FOLH1: variants seen among roughly 807,000 people sequenced by gnomAD.
The protein encoded by FOLH1 is glutamate carboxypeptidase 2.
FOLH1 carries 54 observed loss-of-function variants against 93.9 expected under a neutral mutation model. That is an observed-to-expected ratio of 0.57 (90% CI 0.46 to 0.72). The LOEUF (loss-of-function observed/expected upper bound fraction) is 0.72. Among genes scored for constraint, FOLH1 ranks in the 30% least tolerant of loss-of-function variants. FOLH1 has a pLI of 0.00. For synonymous variants in FOLH1, 249 were observed against 303.6 expected, an observed-to-expected ratio of 0.82 and a Z score of 1.87; for missense variants, 571 against 892.5, an observed-to-expected ratio of 0.64 and a Z score of 4.59.
intron 7 of FOLH1, among the ~76,000 whole-genome samples, chr11:49,182,405 A>G (rs1236073514): frequency 1.3e-5 from 2 of 150,814 alleles, no homozygotes; most frequent in African/African-American, 4.9e-5. Context: ...TTCCAATGCC[A>G]GGTTAAGCAG....
At chr11:49,148,820 T>C in intron 17 of FOLH1, 89 bp from the exon 18 acceptor site, 11 of 1,146,504 alleles carry the variant, frequency 9.6e-6, no homozygotes, top group Non-Finnish European at 1.3e-5. Context: ...TGAATTTAGT[T>C]ATCTCCGGGG....
Position 49,206,052 on chromosome 11 carries a change from C to T in FOLH1, c.224+15G>A, listed in dbSNP as rs755671555. 2.6e-5 allele frequency: 42 copies of T among 1,600,408 alleles called. No homozygotes were observed. Among genetic ancestry groups the T allele is most frequent in the Non-Finnish European group, 3.2e-5 (37 of 1,174,004 alleles). On this transcript the variant is annotated intron_variant, in intron 2 of 18. Coordinates refer to ENST00000256999, the MANE Select transcript of FOLH1 (RefSeq NM_004476.3). The stretch of plus-strand genomic sequence containing the variant: ...CTAACAACTTGTCCATATAAACTTT[C>T]GAGGATGTACTTACTATAAGAACTT...
At chr11:49,203,003 T>C (rs1012492340) in intron 2 of FOLH1, among the ~76,000 whole-genome samples, 11 of 152,248 alleles carry the variant, frequency 7.2e-5, no homozygotes, top group African/African-American at 1.4e-4. Flanking sequence ...GGAAAATGTG[T>C]AAATTCTTAT....
chr11:49,200,333 T>C lies in FOLH1; in HGVS notation c.333A>G (p.Ala111=). 2 of 1,609,506 alleles carry C rather than the reference T, an allele frequency of 1.2e-6. No homozygotes were observed. The highest frequency in any genetic ancestry group is 1.7e-6 in the Non-Finnish European group (2 of 1,176,596). The change falls in exon 3 of 19, where the codon GCA becomes GCG. Residue 111 remains alanine (A), a synonymous_variant. Coordinates refer to ENST00000256999, the MANE Select transcript of FOLH1 (RefSeq NM_004476.3). ...KEFGLDSVEL[A]HYDVLLSYPN... is the part of the protein sequence containing the mutation. Reference sequence around the variant, plus strand: ...GGTAGGACAACAGGACATCATAATGTGCTAGCTCAACAGAATCCAGGCCAA... The same window carrying C: ...GGTAGGACAACAGGACATCATAATGCGCTAGCTCAACAGAATCCAGGCCAA...
chr11:49,158,169 T>C, intron 13 of FOLH1, 126 bp from the exon 14 acceptor site: 1 of 618,806 alleles, frequency 1.6e-6, no homozygotes, highest in Non-Finnish European at 2.6e-6. Context: ...TATCCATACA[T>C]TAGCAGTCAT....
chr11:49,199,716 G>A (rs867641472), intron 3 of FOLH1, among the ~76,000 whole-genome samples: 1 of 152,060 alleles, frequency 6.6e-6, no homozygotes, highest in Non-Finnish European at 1.5e-5. Context: ...TTCGAGACTA[G>A]CCTGGCCAAC....
intron 17 of FOLH1, among the ~76,000 whole-genome samples, chr11:49,149,127 G>A (rs1565123582): frequency 6.6e-6 from 1 of 151,988 alleles, no homozygotes; most frequent in Non-Finnish European, 1.5e-5. Context: ...GGGGTGAGGG[G>A]GGAAGGATAG....
chr11:49,175,003 T>TAAA, intron 8 of FOLH1, 26 bp from the exon 9 acceptor site: 6 of 1,341,232 alleles, frequency 4.5e-6, no homozygotes, highest in Admixed American at 2.1e-5. Flanking sequence ...AAGACATTCT[T>TAAA]AAAAAAAAAA....
At position 49,147,011 on chromosome 11, in the gene FOLH1, C is replaced by A. The variant is rs1394786421; in HGVS notation, c.2064-66G>T. The A allele has an allele frequency of 6.5e-6, 10 of 1,530,216 alleles. No homozygotes were observed. In the African/African-American group the frequency reaches 8.3e-5, roughly 13 times the overall value. 94.8% of individuals were successfully genotyped at this position (1,530,216 alleles called of 1,614,324 possible). On this transcript the variant is annotated intron_variant, in intron 18 of 18. Transcript: ENST00000256999. ...GATATACAAGAGAAACACAAGAGCA[C>A]TCTGCAATTCCTGGATTGCATATTC...
At chr11:49,190,546 A>G (rs1037832475) in intron 4 of FOLH1, among the ~76,000 whole-genome samples, 3 of 152,180 alleles carry the variant, frequency 2.0e-5, no homozygotes, top group Non-Finnish European at 4.4e-5. Context: ...AGTGATTCTC[A>G]AAGATGGTCC....
chr11:49,186,031 A>T (rs949808153), intron 5 of FOLH1, 176 bp from the exon 6 acceptor site: 1 of 933,594 alleles, frequency 1.1e-6, no homozygotes, highest in Non-Finnish European at 1.4e-6. Flanking sequence ...TTGCTACTAT[A>T]AGCTCTAAAA....
chr11:49,198,375 G>T (rs1439071888), intron 3 of FOLH1, among the ~76,000 whole-genome samples: 1 of 151,762 alleles, frequency 6.6e-6, no homozygotes, highest in African/African-American at 2.4e-5. Flanking sequence ...CCAGCTACTA[G>T]GGAGGCTGAG....
Position 49,186,632 on chromosome 11 carries a change from T to G in FOLH1, c.639+12A>C, listed in dbSNP as rs758046726. On this transcript the variant is annotated intron_variant, in intron 5 of 18. Transcript: ENST00000256999. ...TTGGGGGAGAGAAAAAAAGAGATAA[T>G]TTTTACCTTACCTTATTTCCTCTGA... The G allele has an allele frequency of 6.8e-6, 11 of 1,609,518 alleles. No homozygotes were observed. The South Asian group carries it at 1.2e-4, about 18-fold the overall frequency.
At chr11:49,162,890 C>G (rs530338641) in intron 13 of FOLH1, 1 of 151,520 alleles carries the variant, frequency 6.6e-6, no homozygotes, top group African/African-American at 2.4e-5. Flanking sequence ...TTTTACAGTA[C>G]CTGGAGGAAT....
chr11:49,159,906 C>CTTTTTTTTTTTT (rs71454046), intron 13 of FOLH1, among the ~76,000 whole-genome samples: 1 of 144,424 alleles, frequency 6.9e-6, no homozygotes. Context: ...TTTTCCTTTT[C>CTTTTTTTTTTTT]TTTTTTTTTT....
chr11:49,196,590 G>T (rs1862646335), intron 3 of FOLH1, among the ~76,000 whole-genome samples: 1 of 149,608 alleles, frequency 6.7e-6, no homozygotes, highest in Admixed American at 6.6e-5. Context: ...AATATTACAA[G>T]TTCAAAAAAT....
chr11:49,194,964 G>A (rs900994815), intron 3 of FOLH1, among the ~76,000 whole-genome samples: 10 of 151,868 alleles, frequency 6.6e-5, no homozygotes, highest in African/African-American at 2.4e-4. Flanking sequence ...AGTGAGGTGA[G>A]ATAATTTAAC....
At position 49,148,831 on chromosome 11, in the gene FOLH1, A is replaced by G. The variant is rs1014620270; in HGVS notation, c.1971-100T>C. ...AAACTGAATTTAGTTATCTCCGGGG[A>G]TTGGTTTCAGGACCACCCTCTACAC... On this transcript the variant is annotated intron_variant, in intron 17 of 18. Transcript: ENST00000256999. The G allele has an allele frequency of 6.5e-6, 7 of 1,078,262 alleles. No homozygotes were observed. In the African/African-American group the frequency reaches 1.2e-4, roughly 18 times the overall value. 66.8% of individuals were successfully genotyped at this position (1,078,262 alleles called of 1,614,324 possible).
intron 7 of FOLH1, among the ~76,000 whole-genome samples, chr11:49,180,769 CTGTT>C (rs1317056140): frequency 6.6e-6 from 1 of 152,140 alleles, no homozygotes; most frequent in Non-Finnish European, 1.5e-5. Flanking sequence ...CTTATATGGA[CTGTT>C]TCATTATGGC....
Sources: allele counts gnomAD v4.1 joint callset (sites outside exome capture counted in the v4.1 genomes callset), GRCh38; gene constraint gnomAD v4.1.1; transcripts MANE v1.5; gene names NCBI Gene and HGNC (gene_info 2026-07-23, HGNC 2026-07-21).